ZNF721: variants seen among roughly 807,000 people sequenced by gnomAD.
ZNF721 encodes zinc finger protein 721.
In ZNF721, 2 loss-of-function variants were observed where a neutral mutation model predicts 2.4. The ratio of observed to expected loss-of-function variants is 0.82; its 90% CI spans 0.34 to 2.58. The LOEUF is 2.58. ZNF721 is among the 30% of genes most tolerant of loss of function. The pLI is 0.11. For synonymous variants in ZNF721, 398 were observed against 381.8 expected (o/e 1.04, Z -0.50); for missense variants, 1,187 against 1,085.5 (o/e 1.09, Z -1.31).
intron 2 of ZNF721, among the ~76,000 whole-genome samples, chr4:468,724 G>A (rs1715336258): frequency 6.6e-6 from 1 of 152,178 alleles, no homozygotes; most frequent in Non-Finnish European, 1.5e-5. Context: ...AATCTCATCA[G>A]CCTGGGGACC....
chr4:486,021 T>C (rs1262087896), intron 1 of ZNF721, among the ~76,000 whole-genome samples: 1 of 152,072 alleles, frequency 6.6e-6, no homozygotes, highest in Non-Finnish European at 1.5e-5. Flanking sequence ...GGCTTAATTA[T>C]TCCGTTGCAA....
intron 1 of ZNF721, among the ~76,000 whole-genome samples, chr4:486,825 T>C (rs546387302): frequency 2.0e-5 from 3 of 152,308 alleles, no homozygotes; most frequent in African/African-American, 7.2e-5. Flanking sequence ...TCTCAAATTG[T>C]TTCGCTTTTC....
At chr4:475,882 C>G (rs567817236) in intron 1 of ZNF721, among the ~76,000 whole-genome samples, 1 of 152,282 alleles carries the variant, frequency 6.6e-6, no homozygotes, top group Admixed American at 6.5e-5. Flanking sequence ...CTTGTTCTCC[C>G]GTTACCCTTA....
chr4:492,171 A>AC (rs1553871573), intron 1 of ZNF721, among the ~76,000 whole-genome samples: 121 of 151,850 alleles, frequency 8.0e-4, no homozygotes, highest in Middle Eastern at 6.8e-3. Context: ...TCAAAAAAAA[A>AC]AAAACAAACA....
intron 2 of ZNF721, among the ~76,000 whole-genome samples, chr4:455,828 C>A (rs1248854962): frequency 3.3e-5 from 5 of 152,014 alleles, no homozygotes; most frequent in Admixed American, 2.0e-4. Flanking sequence ...ATGTACTTAA[C>A]CCCACTAGAC....
chr4:464,985 T>C (rs1715198160), intron 2 of ZNF721, among the ~76,000 whole-genome samples: 1 of 150,796 alleles, frequency 6.6e-6, no homozygotes, highest in African/African-American at 2.4e-5. Flanking sequence ...CTCGGGAGGC[T>C]GAGGCAGAAG....
intron 1 of ZNF721, among the ~76,000 whole-genome samples, chr4:488,923 G>A (rs1486211960): frequency 6.6e-6 from 1 of 152,094 alleles, no homozygotes; most frequent in Non-Finnish European, 1.5e-5. Context: ...GGGAGGGAGG[G>A]TCTCAGGAGA....
intron 2 of ZNF721, among the ~76,000 whole-genome samples, chr4:470,663 G>GGGCAACA (rs1715403138): frequency 1.3e-5 from 2 of 152,028 alleles, no homozygotes; most frequent in African/African-American, 4.8e-5. Flanking sequence ...GCAGTGAGCC[G>GGGCAACA]AGATCATGCT....
chr4:483,877 T>C (rs1715830835), intron 1 of ZNF721, among the ~76,000 whole-genome samples: 1 of 152,182 alleles, frequency 6.6e-6, no homozygotes, highest in South Asian at 2.1e-4. Context: ...AGTGGCACGA[T>C]CTCAGCTCAC....
chr4:477,303 T>C (rs1000555030), intron 1 of ZNF721, among the ~76,000 whole-genome samples: 2 of 144,760 alleles, frequency 1.4e-5, no homozygotes, highest in Admixed American at 7.2e-5. Context: ...TCTCACTCTG[T>C]ATGGGCTCAC....
chr4:483,199 G>C (rs1715812821), intron 1 of ZNF721, among the ~76,000 whole-genome samples: 1 of 152,172 alleles, frequency 6.6e-6, no homozygotes, highest in African/African-American at 2.4e-5. Flanking sequence ...TGGTTACTGT[G>C]TATAAGTTAA....
chr4:451,025 A>G (rs1468766794), intron 2 of ZNF721, among the ~76,000 whole-genome samples: 1 of 147,164 alleles, frequency 6.8e-6, no homozygotes, highest in Admixed American at 6.8e-5. Flanking sequence ...AGGGCTTTAA[A>G]TACATGTTTA....
At chr4:493,512 T>G (rs1458082045) in intron 1 of ZNF721, among the ~76,000 whole-genome samples, 2 of 151,990 alleles carry the variant, frequency 1.3e-5, no homozygotes, top group Non-Finnish European at 2.9e-5. Context: ...AACCCTTTCT[T>G]TACTAAAAAT....
At chr4:481,582 T>A (rs1715770657) in intron 1 of ZNF721, among the ~76,000 whole-genome samples, 1 of 151,880 alleles carries the variant, frequency 6.6e-6, no homozygotes, top group Non-Finnish European at 1.5e-5. Flanking sequence ...TTTCTTTTTT[T>A]TTTTTTTTGA....
rs756409788 is a variant in ZNF721, at chr4:479,572, AAC to A, written c.-93-6873_-93-6872del. On this transcript the variant is annotated intron_variant, in intron 1 of 2. Transcript: ENST00000511833. ...CCAGGGGGCTGCAGGCACAGATTAC[AAC>A]AGTGACAGATGCAAGGGCCCTGATG... Among the ~76,000 whole-genome samples the A allele has an allele frequency of 7.7e-4, 118 of 152,352 alleles. 1 individual carries two copies. Among genetic ancestry groups the A allele is most frequent in the Non-Finnish European group, 1.3e-3 (90 of 68,042 alleles).
intron 1 of ZNF721, among the ~76,000 whole-genome samples, chr4:487,313 T>G (rs1263385569): frequency 6.6e-6 from 1 of 152,154 alleles, no homozygotes; most frequent in Non-Finnish European, 1.5e-5. Flanking sequence ...TCCATCTCTA[T>G]GACAACAAGC....
Position 499,142 on chromosome 4 carries a change from G to A in ZNF721, c.-180C>T, listed in dbSNP as rs143163975. ...ACCGCCCGCTGTTCGTATGTCCGAG[G>A]TGACGCCCCGCTGTGGCGGGCTGGC... On this transcript the variant is annotated 5_prime_UTR_variant, in exon 1 of 3. Coordinates refer to ENST00000511833, the MANE Select transcript of ZNF721 (RefSeq NM_133474.4). 0.031 allele frequency: 18,966 copies of A among 605,472 alleles called. 449 individuals carry two copies. The highest frequency in any genetic ancestry group is 0.083 in the African/African-American group (4,310 of 51,872). 37.5% of individuals were successfully genotyped at this position (605,472 alleles called of 1,614,324 possible).
rs567405426 is a variant in ZNF721, at chr4:491,746, A to G, written c.-94+7310T>C. 3.3e-5 allele frequency among the ~76,000 whole-genome samples: 5 copies of G among 152,372 alleles called. No individual in the cohort carries two copies. In the South Asian group the frequency reaches 1.0e-3, roughly 32 times the overall value. ...ATGACAAAGGAACATTGTGTTTAAG[A>G]TTTAGCAGGACTTGGTGTCCTTTTT... On this transcript the variant is annotated intron_variant, in intron 1 of 2. Coordinates refer to ENST00000511833, the MANE Select transcript of ZNF721 (RefSeq NM_133474.4).
At chr4:446,109 A>G (rs1431380195) in intron 2 of ZNF721, among the ~76,000 whole-genome samples, 1 of 136,016 alleles carries the variant, frequency 7.4e-6, no homozygotes, top group Admixed American at 7.2e-5. Context: ...ATGCTGAAGA[A>G]AGTGTCTTCC....
Sources: allele counts gnomAD v4.1 joint callset (sites outside exome capture counted in the v4.1 genomes callset), GRCh38; gene constraint gnomAD v4.1.1; transcripts MANE v1.5; gene names NCBI Gene and HGNC (gene_info 2026-07-23, HGNC 2026-07-21).